Variants in CATSPERT observed in about 807,000 individuals in gnomAD.
The protein encoded by CATSPERT is cation channel sperm-associated targeting subunit tau.
At chr2:201,518,110 A>C in the CATSPERT span, among the ~76,000 whole-genome samples, 1 of 152,170 alleles carries the variant, frequency 6.6e-6, no homozygotes, top group Non-Finnish European at 1.5e-5. Flanking sequence ...TATTAAAAGG[A>C]TGCCAGTCTG....
the CATSPERT span, chr2:201,549,818 T>C: frequency 6.6e-6 from 1 of 152,162 alleles, no homozygotes; most frequent in Non-Finnish European, 1.5e-5. Context: ...AGAAACAGTA[T>C]GAATTATCTT....
At chr2:201,514,271 T>A in the CATSPERT span, among the ~76,000 whole-genome samples, 1 of 152,158 alleles carries the variant, frequency 6.6e-6, no homozygotes, top group Non-Finnish European at 1.5e-5. Context: ...CTCATGACTA[T>A]GTGTGAAAAA....
chr2:201,517,742 T>A, the CATSPERT span, among the ~76,000 whole-genome samples: 1 of 152,190 alleles, frequency 6.6e-6, no homozygotes, highest in Non-Finnish European at 1.5e-5. Flanking sequence ...ATCTACCATT[T>A]CCATTTTACA....
the CATSPERT span, among the ~76,000 whole-genome samples, chr2:201,503,530 A>G: frequency 3.3e-5 from 5 of 152,024 alleles, no homozygotes; most frequent in African/African-American, 7.3e-5. Context: ...GAGTAGCTGG[A>G]ACTATAGGGG....
chr2:201,559,350 C>CCT, the CATSPERT span, among the ~76,000 whole-genome samples: 4 of 152,204 alleles, frequency 2.6e-5, no homozygotes, highest in African/African-American at 4.8e-5. Flanking sequence ...GTGAAATGGC[C>CCT]CTGTGGGCAG....
chr2:201,520,204 C>G, the CATSPERT span, among the ~76,000 whole-genome samples: 1 of 152,126 alleles, frequency 6.6e-6, no homozygotes, highest in Non-Finnish European at 1.5e-5. Context: ...GAGGGATAGG[C>G]TCCAATACGA....
the CATSPERT span, among the ~76,000 whole-genome samples, chr2:201,573,302 A>T: frequency 6.6e-6 from 1 of 152,232 alleles, no homozygotes; most frequent in African/African-American, 2.4e-5. Context: ...AATTAGGAAG[A>T]TATCTTCTTT....
the CATSPERT span, among the ~76,000 whole-genome samples, chr2:201,498,399 T>C: frequency 4.6e-5 from 7 of 152,132 alleles, no homozygotes; most frequent in African/African-American, 1.7e-4. Flanking sequence ...GCAAAGCATC[T>C]GGCAAGGGAA....
the CATSPERT span, chr2:201,495,870 T>C: frequency 6.9e-7 from 1 of 1,446,374 alleles, no homozygotes; most frequent in South Asian, 1.2e-5. Context: ...ATAATGATAC[T>C]GGGATAGAAT....
the CATSPERT span, among the ~76,000 whole-genome samples, chr2:201,575,997 T>C: frequency 1.3e-5 from 2 of 152,166 alleles, no homozygotes; most frequent in Non-Finnish European, 2.9e-5. Flanking sequence ...ATAAGGAATG[T>C]TCAAAAGAAG....
chr2:201,587,690 T>C, the CATSPERT span, among the ~76,000 whole-genome samples: 1 of 152,172 alleles, frequency 6.6e-6, no homozygotes, highest in East Asian at 1.9e-4. Flanking sequence ...CACTTAAGGT[T>C]CACTGAGTTT....
the CATSPERT span, among the ~76,000 whole-genome samples, chr2:201,584,098 C>T: frequency 3.2e-4 from 48 of 151,816 alleles, no homozygotes; most frequent in African/African-American, 9.7e-4. Context: ...ATACTAGCCT[C>T]GGCAACATGG....
the CATSPERT span, among the ~76,000 whole-genome samples, chr2:201,490,395 G>C: frequency 1.3e-5 from 2 of 152,154 alleles, no homozygotes; most frequent in Non-Finnish European, 2.9e-5. Context: ...ACCTCTAATA[G>C]TTGTAGTTAT....
chr2:201,521,453 A>AGAGAGAG, the CATSPERT span, among the ~76,000 whole-genome samples: 648 of 150,772 alleles, frequency 4.3e-3, 3 homozygotes, highest in Middle Eastern at 0.014. Context: ...GAGAGAGAGA[A>AGAGAGAG]AGAGACACAC....
At chr2:201,494,559 G>A in the CATSPERT span, 6 of 1,536,900 alleles carry the variant, frequency 3.9e-6, no homozygotes, top group East Asian at 2.4e-5. Context: ...AGATATTAGG[G>A]TCATGGGCCC....
chr2:201,572,083 T>C, the CATSPERT span: 48 of 1,192,564 alleles, frequency 4.0e-5, no homozygotes, highest in Admixed American at 5.2e-5. Flanking sequence ...CTAATTGTAA[T>C]ACCATACCAT....
the CATSPERT span, chr2:201,603,148 GGTTTGTAAT>G: frequency 7.2e-7 from 1 of 1,380,436 alleles, no homozygotes; most frequent in African/African-American, 1.4e-5. Flanking sequence ...GTTTTGGAAT[GGTTTGTAAT>G]GCAGCAATGG....
At chr2:201,517,311 C>A in the CATSPERT span, among the ~76,000 whole-genome samples, 72 of 152,250 alleles carry the variant, frequency 4.7e-4, no homozygotes, top group South Asian at 0.015. Context: ...CCGTTATTAG[C>A]CATTTCCCCT....
At chr2:201,557,446 C>G in the CATSPERT span, 1 of 152,188 alleles carries the variant, frequency 6.6e-6, no homozygotes, top group Admixed American at 6.5e-5. Flanking sequence ...TTTTACTATT[C>G]TAAGACACAT....
Sources: gnomAD v4.1 joint callset for allele counts (sites outside exome capture counted in the v4.1 genomes callset) on GRCh38, gnomAD v4.1.1 for gene constraint, MANE v1.5 for transcripts, NCBI Gene and HGNC (gene_info 2026-07-23, HGNC 2026-07-21) for gene names.